The following SNX25 variants were observed in gnomAD, a reference collection of about 807,000 sequenced individuals.
SNX25 encodes sorting nexin 25.
A neutral mutation model predicts 113.7 loss-of-function variants in SNX25; 62 were observed. The observed-to-expected ratio is 0.55, with a 90% CI of 0.44 to 0.67. The LOEUF (loss-of-function observed/expected upper bound fraction) is 0.67, where lower values mean the gene tolerates loss of function less well. Among genes scored for constraint, SNX25 ranks in the 30% least tolerant of loss-of-function variants. The pLI is 0.00. For missense variants in SNX25, 1,014 were observed against 1,161.0 expected, an observed-to-expected ratio of 0.87 and a Z score of 1.84; for synonymous variants, 421 against 436.2, an observed-to-expected ratio of 0.97 and a Z score of 0.43.
At chr4:185,346,187 C>T (rs1383957567) in intron 12 of SNX25, among the ~76,000 whole-genome samples, 1 of 152,170 alleles carries the variant, frequency 6.6e-6, no homozygotes, top group Non-Finnish European at 1.5e-5. Context: ...TAGCTTTTTA[C>T]AGAGATGTTA....
intron 5 of SNX25, among the ~76,000 whole-genome samples, chr4:185,267,729 TA>T (rs963267655): frequency 0.021 from 2,889 of 136,064 alleles, 58 homozygotes; most frequent in African/African-American, 0.06. Context: ...AGACTCCTTC[TA>T]AAAAAAAAAA....
chr4:185,304,522 T>C (rs1754178863), intron 6 of SNX25, among the ~76,000 whole-genome samples: 2 of 152,110 alleles, frequency 1.3e-5, no homozygotes, highest in South Asian at 4.1e-4. Context: ...CATGCCCGGC[T>C]AATTTAGTGT....
At position 185,222,602 on chromosome 4, in the gene SNX25, G is replaced by C. The variant is rs548958628; in HGVS notation, c.429+12347G>C. ...CTCCTTCACTGTAGTTGTCACAGTT[G>C]TAATTTTATACTCATTTGGATGGCT... On this transcript the variant is annotated intron_variant, in intron 1 of 18. Transcript: ENST00000652585. 5.3e-5 allele frequency among the ~76,000 whole-genome samples: 8 copies of C among 152,338 alleles called. No homozygotes were observed. The South Asian group carries it at 1.7e-3, about 32-fold the overall frequency.
chr4:185,300,840 G>GACACACACCC (rs1554001715), intron 6 of SNX25, among the ~76,000 whole-genome samples: 2 of 140,684 alleles, frequency 1.4e-5, no homozygotes, highest in African/African-American at 5.3e-5. Context: ...TGATTATTAT[G>GACACACACCC]ACACACACAC....
At chr4:185,243,750 T>C (rs546187462) in intron 1 of SNX25, among the ~76,000 whole-genome samples, 50 of 152,282 alleles carry the variant, frequency 3.3e-4, no homozygotes, top group Admixed American at 2.9e-3. Context: ...GACAAACATA[T>C]GTTTGCATGT....
At chr4:185,338,478 G>A in intron 10 of SNX25, among the ~76,000 whole-genome samples, 1 of 152,026 alleles carries the variant, frequency 6.6e-6, no homozygotes, top group East Asian at 1.9e-4. Context: ...AGTAGTGACA[G>A]GGTTTTGCCA....
chr4:185,292,888 C>T (rs1342648887), intron 6 of SNX25, among the ~76,000 whole-genome samples: 1 of 152,174 alleles, frequency 6.6e-6, no homozygotes, highest in Non-Finnish European at 1.5e-5. Flanking sequence ...GTACTCCAGC[C>T]TGGGTGACAC....
intron 1 of SNX25, among the ~76,000 whole-genome samples, chr4:185,233,283 TAAA>T (rs70962558): frequency 1.4e-5 from 2 of 146,090 alleles, no homozygotes; most frequent in Non-Finnish European, 1.5e-5. Context: ...AGACTTAGTC[TAAA>T]AAAAAAAAAA....
intron 1 of SNX25, among the ~76,000 whole-genome samples, chr4:185,214,687 T>C (rs1738491664): frequency 6.6e-6 from 1 of 152,228 alleles, no homozygotes; most frequent in South Asian, 2.1e-4. Flanking sequence ...GAAAGTAGTT[T>C]AACAAGTTCA....
At chr4:185,368,823 T>G (rs906527081), downstream of SNX25, among the ~76,000 whole-genome samples, 1 of 149,844 alleles carries the variant, frequency 6.7e-6, no homozygotes, top group Non-Finnish European at 1.5e-5. Flanking sequence ...AGATGGAGTC[T>G]CACTGTGTTG....
intron 7 of SNX25, among the ~76,000 whole-genome samples, chr4:185,317,737 A>G (rs2095086444): frequency 6.6e-6 from 1 of 152,156 alleles, no homozygotes; most frequent in South Asian, 2.1e-4. Context: ...TAGAACAATG[A>G]GAACACATGG....
intron 7 of SNX25, among the ~76,000 whole-genome samples, chr4:185,315,198 A>C (rs1308608536): frequency 6.7e-6 from 1 of 150,178 alleles, no homozygotes; most frequent in Non-Finnish European, 1.5e-5. Context: ...ACTGCACTCC[A>C]GCCTCAGAGA....
At chr4:185,319,086 ATTTTATTTT>A (rs1007240550) in intron 7 of SNX25, among the ~76,000 whole-genome samples, 5 of 63,890 alleles carry the variant, frequency 7.8e-5, no homozygotes, top group African/African-American at 1.7e-4. Flanking sequence ...CCTTTATTTT[ATTTTATTTT>A]TTTTATTTTT....
At chr4:185,281,985 C>T (rs1214091760) in intron 5 of SNX25, among the ~76,000 whole-genome samples, 2 of 152,038 alleles carry the variant, frequency 1.3e-5, no homozygotes, top group African/African-American at 2.4e-5. Flanking sequence ...CATTGCACTC[C>T]AGTCTGGGCA....
Position 185,362,563 on chromosome 4 carries a change from C to T in SNX25, c.2834-48C>T, listed in dbSNP as rs762308867. 5 of 1,538,938 alleles carry T rather than the reference C, an allele frequency of 3.2e-6. No individual in the cohort carries two copies. The South Asian group carries it at 4.5e-5, about 14-fold the overall frequency. Reference sequence around the variant, plus strand: ...ATTCCTTTCACTGCAAAGCTATGCACTGAGCACTTTATCAATAGCAGCATA... The same window carrying T: ...ATTCCTTTCACTGCAAAGCTATGCATTGAGCACTTTATCAATAGCAGCATA... On this transcript the variant is annotated intron_variant, in intron 17 of 18. Coordinates refer to ENST00000652585, the MANE Select transcript of SNX25 (RefSeq NM_001378034.2).
chr4:185,310,005 C>A (rs973495375), intron 6 of SNX25, among the ~76,000 whole-genome samples: 1 of 152,320 alleles, frequency 6.6e-6, no homozygotes, highest in South Asian at 2.1e-4. Flanking sequence ...AAGCTCTGTT[C>A]TCTTTCCTGC....
intron 1 of SNX25, among the ~76,000 whole-genome samples, chr4:185,227,665 C>A (rs1741221956): frequency 6.6e-6 from 1 of 152,026 alleles, no homozygotes; most frequent in Non-Finnish European, 1.5e-5. Context: ...TAAATGTGTA[C>A]AGGTGCCCTT....
intron 5 of SNX25, 78 bp downstream of exon 5, chr4:185,267,233 AGTAGTTGTCAGGGAAGCAG>A: frequency 8.0e-7 from 1 of 1,257,214 alleles, no homozygotes; most frequent in Non-Finnish European, 1.1e-6. Context: ...AAAAAAAAAA[AGTAGTTGTCAGGGAAGCAG>A]AAATAAAACA....
chr4:185,328,432 A>T (rs575328270), intron 9 of SNX25, among the ~76,000 whole-genome samples: 3 of 152,188 alleles, frequency 2.0e-5, no homozygotes, highest in Non-Finnish European at 4.4e-5. Context: ...TCATACGTGC[A>T]CCAAGAGTGG....
Sources: gnomAD v4.1 joint callset for allele counts (sites outside exome capture counted in the v4.1 genomes callset) on GRCh38, gnomAD v4.1.1 for gene constraint, MANE v1.5 for transcripts, NCBI Gene and HGNC (gene_info 2026-07-23, HGNC 2026-07-21) for gene names.